TRAP1: variants seen among roughly 807,000 people sequenced by gnomAD.
TRAP1 encodes the protein heat shock protein 75 kDa, mitochondrial.
TRAP1 carries 102 observed loss-of-function variants against 89.1 expected under a neutral mutation model. That is an observed-to-expected ratio of 1.15 (90% confidence interval 0.98 to 1.35). The LOEUF (loss-of-function observed/expected upper bound fraction) is 1.35, where lower values mean the gene tolerates loss of function less well. Among genes scored for constraint, TRAP1 ranks in the 40% most tolerant of loss-of-function variants. The pLI is 0.00. For synonymous variants in TRAP1, 508 were observed against 388.0 expected (o/e 1.31, Z -3.64); for missense variants, 1,256 against 945.3 (o/e 1.33, Z -4.31).
chr16:3,709,255 G>C (rs575109123), intron 1 of TRAP1, among the ~76,000 whole-genome samples: 1 of 149,546 alleles, frequency 6.7e-6, no homozygotes, highest in South Asian at 2.1e-4. Context: ...AAAGAAAAAG[G>C]CCATTGGTTC....
rs1188697309 is a variant in TRAP1, at chr16:3,671,730, T to C, written c.1227A>G (p.Ala409=). The C allele has an allele frequency of 1.9e-6, 3 of 1,612,834 alleles. No homozygotes were observed. In the Admixed American group the frequency reaches 5.0e-5, roughly 27 times the overall value. The part of the protein sequence containing the change: ...NLSRELLQES[A]LIRKLRDVLQ... ...CGCGGCCCGAGGCTCACCTGATGAG[T>C]GCGCTCTCCTGCAGCAGCTCCCGGC... Residue 409 remains alanine (A), a synonymous_variant, in exon 11 of 18, where the codon GCA becomes GCG. Coordinates refer to ENST00000246957, the MANE Select transcript of TRAP1 (RefSeq NM_016292.3).
chr16:3,691,577 C>T (rs1213440752), intron 1 of TRAP1, among the ~76,000 whole-genome samples: 1 of 152,074 alleles, frequency 6.6e-6, no homozygotes, highest in Non-Finnish European at 1.5e-5. Flanking sequence ...CACCTCGCAT[C>T]AACCTACCAA....
chr16:3,713,050 A>G (rs996413066), intron 1 of TRAP1, among the ~76,000 whole-genome samples: 3 of 152,230 alleles, frequency 2.0e-5, no homozygotes, highest in African/African-American at 7.2e-5. Flanking sequence ...CAGCTTAATC[A>G]GACGACAAAC....
At chr16:3,701,483 A>G (rs1206194632) in intron 1 of TRAP1, among the ~76,000 whole-genome samples, 2 of 150,758 alleles carry the variant, frequency 1.3e-5, no homozygotes, top group Non-Finnish European at 3.0e-5. Flanking sequence ...AACCCGAGGC[A>G]GAGGTTGCAG....
At chr16:3,658,327 T>C (rs1239401783) in intron 17 of TRAP1, 97 bp from the exon 18 acceptor site, 12 of 981,830 alleles carry the variant, frequency 1.2e-5, no homozygotes, top group Non-Finnish European at 1.9e-5. Flanking sequence ...GAGGCTGGAG[T>C]GCAGAGGCAC....
At chr16:3,693,379 C>T (rs1391631551) in intron 1 of TRAP1, among the ~76,000 whole-genome samples, 1 of 146,978 alleles carries the variant, frequency 6.8e-6, no homozygotes, top group Non-Finnish European at 1.5e-5. Context: ...TCACTTTATT[C>T]GTACAGTTAA....
At chr16:3,691,029 C>G (rs751895110) in intron 1 of TRAP1, 44 bp from the exon 2 acceptor site, 15 of 1,412,502 alleles carry the variant, frequency 1.1e-5, no homozygotes, top group East Asian at 2.7e-5. Context: ...TAGGAAGACA[C>G]GAGAAACAAT....
chr16:3,687,491 C>T (rs1212066134), intron 3 of TRAP1: 2 of 152,290 alleles, frequency 1.3e-5, no homozygotes, highest in African/African-American at 4.8e-5. Flanking sequence ...GACCACCAAA[C>T]ACCAGGTCTA....
chr16:3,687,900 T>C (rs1001031179), intron 3 of TRAP1, among the ~76,000 whole-genome samples: 7 of 100,208 alleles, frequency 7.0e-5, no homozygotes, highest in African/African-American at 2.9e-4. Context: ...CAATTAAAAA[T>C]AGAAAAATTA....
At chr16:3,704,821 C>G (rs1265863905) in intron 1 of TRAP1, among the ~76,000 whole-genome samples, 5 of 152,096 alleles carry the variant, frequency 3.3e-5, no homozygotes, top group Non-Finnish European at 5.9e-5. Context: ...CTAGACCAGC[C>G]TGGGCAACAT....
intron 1 of TRAP1, among the ~76,000 whole-genome samples, chr16:3,705,320 C>T (rs1377269407): frequency 3.9e-5 from 6 of 152,136 alleles, no homozygotes; most frequent in East Asian, 3.9e-4. Context: ...CCGCCCGCAT[C>T]GGCCTCCCAA....
At chr16:3,673,358 A>G (rs1283553989) in intron 9 of TRAP1, among the ~76,000 whole-genome samples, 1 of 152,216 alleles carries the variant, frequency 6.6e-6, no homozygotes, top group Non-Finnish European at 1.5e-5. Flanking sequence ...GTTAGTGGCT[A>G]CGAAAGACAC....
At chr16:3,664,585 G>C in intron 12 of TRAP1, 126 bp from the exon 13 acceptor site, 1 of 980,564 alleles carries the variant, frequency 1.0e-6, no homozygotes, top group Non-Finnish European at 1.5e-6. Flanking sequence ...TGACCCGAGG[G>C]ACGGTAGTGG....
chr16:3,674,716 A>C lies in TRAP1; in HGVS notation c.889-222T>G, dbSNP rs1011780259. On this transcript the variant is annotated intron_variant, in intron 8 of 17. Coordinates refer to ENST00000246957, the MANE Select transcript of TRAP1 (RefSeq NM_016292.3). ...TGGGGCAGGAGCTCCTCAGGACAAC[A>C]TGTCAGGAGGACCAGCCGGGACCTG... The C allele has an allele frequency of 6.5e-5, 38 of 585,198 alleles. No homozygotes were observed. The South Asian group carries it at 7.3e-4, about 11-fold the overall frequency. The allele number at this position is 585,198 out of a possible 1,614,324, so 36.3% of individuals were successfully genotyped here.
intron 16 of TRAP1, chr16:3,660,817 G>C (rs1008478079): frequency 1.3e-5 from 2 of 152,272 alleles, no homozygotes; most frequent in African/African-American, 2.4e-5. Context: ...CCAGCACTTC[G>C]GGAGGCTAAG....
intron 1 of TRAP1, among the ~76,000 whole-genome samples, chr16:3,708,153 G>A (rs540504474): frequency 3.9e-5 from 6 of 151,950 alleles, no homozygotes; most frequent in Admixed American, 6.6e-5. Context: ...AGCCAGGATC[G>A]CACAACTGCA....
chr16:3,677,059 GAAAA>G, intron 6 of TRAP1: 15 of 86,722 alleles, frequency 1.7e-4, no homozygotes, highest in South Asian at 3.3e-4. Flanking sequence ...CGTCCCAAAG[GAAAA>G]AAAAAAAAAA....
intron 6 of TRAP1, 197 bp from the exon 7 acceptor site, chr16:3,676,342 G>A (rs1446820691): frequency 2.2e-5 from 6 of 273,036 alleles, no homozygotes; most frequent in Middle Eastern, 1.2e-3. Flanking sequence ...TGTCGCAGGC[G>A]GCAGAGTTCT....
intron 10 of TRAP1, among the ~76,000 whole-genome samples, 162 bp downstream of exon 10, chr16:3,672,538 C>T (rs1048496587): frequency 6.6e-6 from 1 of 152,068 alleles, no homozygotes; most frequent in Admixed American, 6.6e-5. Flanking sequence ...GGTGGGGCAG[C>T]TCCCGGGGTC....
Sources: gnomAD v4.1 joint callset for allele counts (sites outside exome capture counted in the v4.1 genomes callset) on GRCh38, gnomAD v4.1.1 for gene constraint, MANE v1.5 for transcripts, NCBI Gene and HGNC (gene_info 2026-07-23, HGNC 2026-07-21) for gene names.